DAB1: variants seen among roughly 807,000 people sequenced by gnomAD.
DAB1 encodes the protein disabled homolog 1.
DAB1 carries 15 observed loss-of-function variants against 64.6 expected under a neutral mutation model. The observed-to-expected ratio is 0.23, with a 90% CI of 0.16 to 0.36. The LOEUF is 0.36. Among genes scored for constraint, DAB1 ranks in the 10% least tolerant of loss-of-function variants. The pLI is 1.00. For synonymous variants in DAB1, 235 were observed against 251.9 expected, an observed-to-expected ratio of 0.93 and a Z score of 0.64; for missense variants, 596 against 706.7, an observed-to-expected ratio of 0.84 and a Z score of 1.78.
At chr1:58,136,811 A>T (rs1653972574) in intron 5 of DAB1, among the ~76,000 whole-genome samples, 1 of 152,232 alleles carries the variant, frequency 6.6e-6, no homozygotes, top group Non-Finnish European at 1.5e-5. Flanking sequence ...CAGTGACACC[A>T]TGTGACAGGT....
intron 1 of DAB1, among the ~76,000 whole-genome samples, chr1:57,847,955 T>C (rs1159268856): frequency 6.6e-6 from 1 of 152,204 alleles, no homozygotes; most frequent in Non-Finnish European, 1.5e-5. Context: ...TAGGAGATTA[T>C]TATCCCTGTA....
At chr1:57,282,061 TA>T (rs1171269372) in intron 2 of DAB1, among the ~76,000 whole-genome samples, 2 of 151,686 alleles carry the variant, frequency 1.3e-5, no homozygotes, top group African/African-American at 4.8e-5. Context: ...CATGCACCTG[TA>T]ATCCCAGCTA....
At chr1:57,417,556 T>A (rs537299462) in intron 1 of DAB1, among the ~76,000 whole-genome samples, 1 of 152,222 alleles carries the variant, frequency 6.6e-6, no homozygotes, top group South Asian at 2.1e-4. Flanking sequence ...AAATTCTTCA[T>A]GAGTTAAATG....
At chr1:58,092,324 C>T (rs1650717147) in intron 5 of DAB1, among the ~76,000 whole-genome samples, 1 of 136,466 alleles carries the variant, frequency 7.3e-6, no homozygotes, top group African/African-American at 3.0e-5. Flanking sequence ...CAGAGCAAGA[C>T]TCCGTCTCAA....
chr1:57,134,084 T>C (rs950337380), intron 4 of DAB1, among the ~76,000 whole-genome samples: 4 of 152,146 alleles, frequency 2.6e-5, no homozygotes, highest in Non-Finnish European at 4.4e-5. Context: ...TTCAACAATA[T>C]CTCATCAGAT....
At chr1:57,275,826 C>T (rs185845042) in intron 2 of DAB1, among the ~76,000 whole-genome samples, 93 of 152,172 alleles carry the variant, frequency 6.1e-4, no homozygotes, top group African/African-American at 2.2e-3. Flanking sequence ...TTCCCCTGCC[C>T]GCAAAACACA....
At chr1:58,396,982 G>A (rs1381558099) in intron 3 of DAB1, among the ~76,000 whole-genome samples, 2 of 151,696 alleles carry the variant, frequency 1.3e-5, no homozygotes, top group African/African-American at 2.4e-5. Context: ...GGAGAATGGC[G>A]TGAACCCGGG....
intron 5 of DAB1, among the ~76,000 whole-genome samples, chr1:58,106,064 GGTTTTTT>G (rs1214838754): frequency 6.7e-6 from 1 of 148,332 alleles, no homozygotes; most frequent in South Asian, 2.2e-4. Flanking sequence ...TTGTTGTTTT[GGTTTTTT>G]GTTTTTTGTT....
At chr1:58,492,264 A>T (rs1645709316) in intron 3 of DAB1, among the ~76,000 whole-genome samples, 1 of 152,240 alleles carries the variant, frequency 6.6e-6, no homozygotes. Flanking sequence ...CATTCAAAGC[A>T]GTGTGTAGAG....
chr1:57,609,942 G>A (rs1468076704), intron 7 of DAB1, among the ~76,000 whole-genome samples: 3 of 152,142 alleles, frequency 2.0e-5, no homozygotes, highest in South Asian at 4.1e-4. Flanking sequence ...GGACAGGTAC[G>A]AAGTTAGCAC....
chr1:57,727,037 T>A (rs925051926), intron 6 of DAB1, among the ~76,000 whole-genome samples: 7 of 152,140 alleles, frequency 4.6e-5, no homozygotes, highest in African/African-American at 1.7e-4. Flanking sequence ...AAGGCAGCCA[T>A]GAGCAAGAAT....
chr1:57,364,583 A>T (rs897837677), intron 1 of DAB1, among the ~76,000 whole-genome samples: 1 of 152,176 alleles, frequency 6.6e-6, no homozygotes, highest in Non-Finnish European at 1.5e-5. Context: ...CTTATATATA[A>T]TAAGGGATAG....
At chr1:58,470,764 G>C (rs948701269) in intron 3 of DAB1, among the ~76,000 whole-genome samples, 2 of 152,048 alleles carry the variant, frequency 1.3e-5, no homozygotes, top group Non-Finnish European at 2.9e-5. Flanking sequence ...TCCTTCCAGC[G>C]ACCTTCATGA....
chr1:57,055,826 A>T (rs937222218), intron 9 of DAB1, among the ~76,000 whole-genome samples: 8 of 152,114 alleles, frequency 5.3e-5, no homozygotes, highest in African/African-American at 1.9e-4. Context: ...TATCTCAAAG[A>T]GACTGGAAAT....
At chr1:58,341,756 G>T (rs1643937792) in intron 4 of DAB1, among the ~76,000 whole-genome samples, 1 of 152,178 alleles carries the variant, frequency 6.6e-6, no homozygotes, top group African/African-American at 2.4e-5. Context: ...ATTAGAGTTA[G>T]ATGACCCTTA....
chr1:57,996,785 T>G (rs1262553006), intron 5 of DAB1, among the ~76,000 whole-genome samples: 1 of 152,202 alleles, frequency 6.6e-6, no homozygotes. Flanking sequence ...GATTTTAGCA[T>G]GTAATTATTT....
intron 5 of DAB1, among the ~76,000 whole-genome samples, chr1:58,010,793 A>T (rs1646657078): frequency 6.6e-6 from 1 of 152,202 alleles, no homozygotes; most frequent in Non-Finnish European, 1.5e-5. Context: ...GACATTACTA[A>T]TCTATCAGCT....
At position 57,745,945 on chromosome 1, in the gene DAB1, C is replaced by A. The variant is rs1033653968; in HGVS notation, n.552-96280G>T. On this transcript the variant is annotated intron_variant and non_coding_transcript_variant, in intron 6 of 20. Coordinates refer to the DAB1 transcript ENST00000485760. ...TTATGAGTGGCTTAAAGAAGATTTT[C>A]ATGAACAGTATTATACTGTACATAC... 6.6e-5 allele frequency among the ~76,000 whole-genome samples: 10 copies of A among 152,264 alleles called. No homozygotes were observed. The South Asian group carries it at 1.9e-3, about 28-fold the overall frequency.
chr1:58,475,219 G>A (rs1469777139), intron 3 of DAB1, among the ~76,000 whole-genome samples: 2 of 152,058 alleles, frequency 1.3e-5, no homozygotes, highest in South Asian at 2.1e-4. Flanking sequence ...GCAGTGGCAC[G>A]ATCTCGGCTC....
Sources: allele counts gnomAD v4.1 joint callset (sites outside exome capture counted in the v4.1 genomes callset), GRCh38; gene constraint gnomAD v4.1.1; transcripts MANE v1.5; gene names NCBI Gene and HGNC (gene_info 2026-07-23, HGNC 2026-07-21).